PDE1A: variants seen among roughly 807,000 people sequenced by gnomAD.
PDE1A encodes the protein dual specificity calcium/calmodulin-dependent 3',5'-cyclic nucleotide phosphodiesterase 1A.
In PDE1A, 35 loss-of-function variants were observed where a neutral mutation model predicts 61.7. The ratio of observed to expected loss-of-function variants is 0.57; its 90% CI spans 0.43 to 0.75. The LOEUF is 0.75. PDE1A is among the 30% of genes least tolerant of loss of function. The pLI, the probability that PDE1A is intolerant of heterozygous loss-of-function variation, is 0.00. For synonymous variants in PDE1A, 232 were observed against 213.2 expected (o/e 1.09, Z -0.77); for missense variants, 597 against 630.6 (o/e 0.95, Z 0.57).
At chr2:182,665,937 G>A in the PDE1A span, among the ~76,000 whole-genome samples, 1 of 152,266 alleles carries the variant, frequency 6.6e-6, no homozygotes, top group South Asian at 2.1e-4. Context: ...AGAGCTGGAA[G>A]TCATCATTCT....
At chr2:182,411,404 TTGA>T (rs1702607425) in intron 1 of PDE1A, among the ~76,000 whole-genome samples, 1 of 152,232 alleles carries the variant, frequency 6.6e-6, no homozygotes. Flanking sequence ...TATTCTACTG[TTGA>T]TGAACATTTG....
the PDE1A span, among the ~76,000 whole-genome samples, chr2:182,632,606 G>A: frequency 6.6e-6 from 1 of 152,038 alleles, no homozygotes; most frequent in South Asian, 2.1e-4. Flanking sequence ...CTGTTACCAT[G>A]CCCCACTGGG....
At chr2:182,627,194 T>TATTATTTATATATAAAATATAAATAA in the PDE1A span, among the ~76,000 whole-genome samples, 104 of 15,764 alleles carry the variant, frequency 6.6e-3, 12 homozygotes, top group African/African-American at 0.019. Context: ...AATATAAATA[T>TATTATTTATATATAAAATATAAATAA]TATATTATTT....
At chr2:182,188,429 A>T (rs1168894076) in intron 11 of PDE1A, among the ~76,000 whole-genome samples, 3 of 152,208 alleles carry the variant, frequency 2.0e-5, no homozygotes, top group Non-Finnish European at 4.4e-5. Flanking sequence ...CATGCAACAC[A>T]TGTTTTAATA....
chr2:182,550,600 C>T, the PDE1A span, among the ~76,000 whole-genome samples: 3 of 152,230 alleles, frequency 2.0e-5, no homozygotes, highest in African/African-American at 7.2e-5. Flanking sequence ...GCTCCAGTCA[C>T]ACTTCTAGGT....
intron 1 of PDE1A, among the ~76,000 whole-genome samples, chr2:182,373,730 TA>T (rs1349679348): frequency 3.3e-4 from 50 of 152,294 alleles, no homozygotes; most frequent in Admixed American, 2.9e-3. Context: ...GAAAAATGAA[TA>T]TTTTTTTTCA....
chr2:182,524,177 T>C (rs2125995074), upstream of PDE1A, among the ~76,000 whole-genome samples: 1 of 152,316 alleles, frequency 6.6e-6, no homozygotes, highest in Non-Finnish European at 1.5e-5. Context: ...CTTAGCTATA[T>C]TCATGTAATA....
chr2:182,227,108 A>T (rs1689203215), intron 6 of PDE1A, among the ~76,000 whole-genome samples: 1 of 152,036 alleles, frequency 6.6e-6, no homozygotes, highest in South Asian at 2.1e-4. Flanking sequence ...GTCTGATTTC[A>T]AAGTTTCTAT....
intron 1 of PDE1A, among the ~76,000 whole-genome samples, chr2:182,280,717 C>A (rs1693745340): frequency 6.6e-6 from 1 of 151,574 alleles, no homozygotes; most frequent in African/African-American, 2.4e-5. Flanking sequence ...TTTTTTTCCT[C>A]TTTGATTTTG....
intron 1 of PDE1A, among the ~76,000 whole-genome samples, chr2:182,421,942 T>C (rs933124883): frequency 1.3e-5 from 2 of 152,214 alleles, no homozygotes; most frequent in Non-Finnish European, 2.9e-5. Flanking sequence ...TTCTCCATTA[T>C]TAAATGAAGA....
intron 2 of PDE1A, among the ~76,000 whole-genome samples, chr2:182,488,095 TA>T (rs1688131515): frequency 6.6e-6 from 1 of 152,186 alleles, no homozygotes. Flanking sequence ...TGGATTTACA[TA>T]ATGTGTGTAG....
chr2:182,415,609 T>C (rs1354745111), intron 1 of PDE1A, among the ~76,000 whole-genome samples: 5 of 152,156 alleles, frequency 3.3e-5, no homozygotes, highest in Non-Finnish European at 5.9e-5. Context: ...TCAAAGCAAC[T>C]GCCTGAACTT....
intron 13 of PDE1A, among the ~76,000 whole-genome samples, chr2:182,178,954 T>C (rs1684520161): frequency 3.3e-5 from 5 of 152,132 alleles, no homozygotes; most frequent in Admixed American, 3.3e-4. Flanking sequence ...AAGAACCTGA[T>C]GCTCATCTGA....
chr2:182,271,156 G>T (rs1692989926), intron 1 of PDE1A, among the ~76,000 whole-genome samples: 1 of 146,070 alleles, frequency 6.8e-6, no homozygotes, highest in South Asian at 2.2e-4. Flanking sequence ...AATTTGCTAA[G>T]AGAGTAGACT....
At chr2:182,274,665 C>T (rs1389052933) in intron 1 of PDE1A, among the ~76,000 whole-genome samples, 1 of 152,050 alleles carries the variant, frequency 6.6e-6, no homozygotes, top group East Asian at 1.9e-4. Flanking sequence ...TTATTTTAGA[C>T]TCCAATTTGA....
downstream of PDE1A, among the ~76,000 whole-genome samples, chr2:182,145,985 G>A (rs951285708): frequency 1.3e-5 from 2 of 152,138 alleles, no homozygotes; most frequent in African/African-American, 4.8e-5. Context: ...GGTACCCTCA[G>A]CATTTTCTCT....
downstream of PDE1A, among the ~76,000 whole-genome samples, chr2:182,163,464 T>C (rs1691494770): frequency 6.6e-6 from 1 of 152,178 alleles, no homozygotes; most frequent in South Asian, 2.1e-4. Flanking sequence ...ATTATGTTAA[T>C]TGGACCTAGT....
chr2:182,181,873 G>A (rs9653242), intron 13 of PDE1A, among the ~76,000 whole-genome samples: 31,116 of 152,106 alleles, frequency 0.2, 3,417 homozygotes, highest in East Asian at 0.33. Context: ...CACACTGTCA[G>A]GGGAAAACCG....
intron 2 of PDE1A, among the ~76,000 whole-genome samples, chr2:182,508,511 T>C (rs1689562825): frequency 6.6e-6 from 1 of 151,846 alleles, no homozygotes; most frequent in African/African-American, 2.4e-5. Flanking sequence ...AATTCATTTA[T>C]GTTTTCTAAG....
Sources: gnomAD v4.1 joint callset for allele counts (sites outside exome capture counted in the v4.1 genomes callset) on GRCh38, gnomAD v4.1.1 for gene constraint, MANE v1.5 for transcripts, NCBI Gene and HGNC (gene_info 2026-07-23, HGNC 2026-07-21) for gene names.